SGPL1: variants seen among roughly 807,000 people sequenced by gnomAD.
SGPL1 encodes SP-lyase 1.
Under a neutral mutation model 68.9 loss-of-function variants are expected in SGPL1, and 37 were observed. That is an observed-to-expected ratio of 0.54 (90% CI 0.41 to 0.71). The LOEUF is 0.71. Ranked by LOEUF, SGPL1 falls within the 30% of genes least tolerant of loss-of-function variation. The pLI, the probability that SGPL1 is intolerant of heterozygous loss-of-function variation, is 0.00. For missense variants in SGPL1, 551 were observed against 704.6 expected, an observed-to-expected ratio of 0.78 and a Z score of 2.47; for synonymous variants, 236 against 248.5, an observed-to-expected ratio of 0.95 and a Z score of 0.47.
rs1231885260 is a variant in SGPL1 at position 70,879,809 on chromosome 10, C to G, written c.*2474C>G. 5.9e-5 allele frequency: 9 copies of G among 152,560 alleles called. No individual in the cohort carries two copies. Among genetic ancestry groups the G allele is most frequent in the African/African-American group, 2.2e-4 (9 of 41,396 alleles). The allele number at this position is 152,560 out of a possible 1,614,324, so 9.5% of individuals were successfully genotyped here. A position where few individuals can be genotyped will look rare whatever the true frequency, so the allele number is the denominator to read the frequency against. Reference sequence around the variant, plus strand: ...CATTGTGTATTTTTGTGTATGTGTGCATATAGCAGCTACTCTGTAGCAGAG... The same window carrying G: ...CATTGTGTATTTTTGTGTATGTGTGGATATAGCAGCTACTCTGTAGCAGAG... On this transcript the variant is annotated 3_prime_UTR_variant, in exon 15 of 15. Transcript: ENST00000373202.
At chr10:70,833,300 G>T (rs750784929) in intron 2 of SGPL1, among the ~76,000 whole-genome samples, 1 of 152,214 alleles carries the variant, frequency 6.6e-6, no homozygotes, top group Non-Finnish European at 1.5e-5. Flanking sequence ...TAAGCTTTTT[G>T]AGACGAACTT....
chr10:70,862,474 G>C (rs1275757994), intron 7 of SGPL1, among the ~76,000 whole-genome samples: 2 of 152,156 alleles, frequency 1.3e-5, no homozygotes, highest in Non-Finnish European at 2.9e-5. Flanking sequence ...ATAAAAGCAG[G>C]CTGCCAGAGC....
chr10:70,865,621 G>A (rs1465588545), intron 7 of SGPL1, among the ~76,000 whole-genome samples: 1 of 152,242 alleles, frequency 6.6e-6, no homozygotes, highest in Non-Finnish European at 1.5e-5. Flanking sequence ...TCAGAGGTGG[G>A]AAGCCAGAAG....
intron 7 of SGPL1, among the ~76,000 whole-genome samples, chr10:70,867,670 C>T (rs1846219230): frequency 6.6e-6 from 1 of 151,996 alleles, no homozygotes; most frequent in Non-Finnish European, 1.5e-5. Context: ...ATTTATAGTC[C>T]AGTGAGGGAA....
intron 7 of SGPL1, among the ~76,000 whole-genome samples, chr10:70,865,330 T>C (rs905196020): frequency 5.4e-4 from 83 of 152,336 alleles, no homozygotes; most frequent in Admixed American, 1.6e-3. Flanking sequence ...CACCCTTTTT[T>C]TTTTTCTTCC....
At position 70,854,774 on chromosome 10, in the gene SGPL1, A is replaced by G. The variant is rs1404234630; in HGVS notation, c.328A>G (p.Lys110Glu). 4.3e-6 allele frequency: 7 copies of G among 1,614,032 alleles called. No homozygotes were observed. In the African/African-American group the frequency reaches 8.0e-5, roughly 18 times the overall value. ...GAACATGTCATTCCTGAAAGTGGACAAAGAGTATGTGAAAGCTTTACCCTC... is the reference window on the plus strand; with the variant it reads ...GAACATGTCATTCCTGAAAGTGGACGAAGAGTATGTGAAAGCTTTACCCTC... ...SKNMSFLKVDKEYVKALPSQG... is the reference protein window; with the variant it reads ...SKNMSFLKVDEEYVKALPSQG... Residue 110 changes from lysine (K) to glutamate (E), a missense_variant, in exon 5 of 15, where the codon AAA becomes GAA. Coordinates refer to ENST00000373202, the MANE Select transcript of SGPL1 (RefSeq NM_003901.4).
At chr10:70,848,897 C>G (rs1359493473) in intron 3 of SGPL1, among the ~76,000 whole-genome samples, 2 of 152,168 alleles carry the variant, frequency 1.3e-5, no homozygotes, top group African/African-American at 4.8e-5. Context: ...AATTTTCTAT[C>G]CTTTTGACCA....
intron 2 of SGPL1, among the ~76,000 whole-genome samples, chr10:70,821,204 A>G (rs918257350): frequency 2.6e-5 from 4 of 152,142 alleles, no homozygotes; most frequent in Admixed American, 6.5e-5. Context: ...ATCTGCTGAG[A>G]GTTGTGATGA....
In SGPL1 at chr10:70,868,475, G is replaced by T. The variant is rs368940882; in HGVS notation, c.704+42G>T. On this transcript the variant is annotated intron_variant, in intron 8 of 14. Coordinates refer to ENST00000373202, the MANE Select transcript of SGPL1 (RefSeq NM_003901.4). ...GTTTTGTCCCCTTTTGGATTTGTCT[G>T]TCTGGAGTACAGCTTTATGAAACTA... 26 of 1,481,424 alleles carry T rather than the reference G, an allele frequency of 1.8e-5. No homozygotes were observed. The East Asian group carries it at 5.7e-4, about 32-fold the overall frequency. The allele number at this position is 1,481,424 out of a possible 1,614,324, so 91.8% of individuals were successfully genotyped here. A position where few individuals can be genotyped will look rare whatever the true frequency, so the allele number is the denominator to read the frequency against.
At chr10:70,861,993 A>T (rs1009806505) in intron 7 of SGPL1, among the ~76,000 whole-genome samples, 1 of 152,162 alleles carries the variant, frequency 6.6e-6, no homozygotes, top group Non-Finnish European at 1.5e-5. Flanking sequence ...CACGGCGCCC[A>T]GTCCCATCGA....
In SGPL1 at chr10:70,869,777, T is replaced by G. The variant is rs778409966; in HGVS notation, c.705-15T>G. 1.9e-6 allele frequency: 3 copies of G among 1,607,626 alleles called. No homozygotes were observed. In the Admixed American group the frequency reaches 5.0e-5, roughly 27 times the overall value. On this transcript the variant is annotated splice_polypyrimidine_tract_variant and intron_variant, in intron 8 of 14. Coordinates refer to ENST00000373202, the MANE Select transcript of SGPL1 (RefSeq NM_003901.4). The stretch of plus-strand genomic sequence containing the variant: ...TGGCCTGAGTTACATTATTCTCCTC[T>G]TCCCTGTCATTTAGTGTGGCTCCCC...
Position 70,876,521 on chromosome 10 carries a change from C to G in SGPL1, c.1446-20C>G, listed in dbSNP as rs752314975. 25 of 1,600,148 alleles carry G rather than the reference C, an allele frequency of 1.6e-5. No homozygotes were observed. Among genetic ancestry groups the G allele is most frequent in the Non-Finnish European group, 2.0e-5 (23 of 1,175,482 alleles). On this transcript the variant is annotated intron_variant, in intron 13 of 14. Transcript: ENST00000373202. ...TTTTCTTTCTTCAAGGTTCATCTCTCTCTGTCTCTTCTTTCCTAGTATTCA... is the reference window on the plus strand; with the variant it reads ...TTTTCTTTCTTCAAGGTTCATCTCTGTCTGTCTCTTCTTTCCTAGTATTCA...
chr10:70,844,568 G>A lies in SGPL1; in HGVS notation c.123G>A (p.Gln41=). 1.9e-6 allele frequency: 3 copies of A among 1,614,168 alleles called. No homozygotes were observed. Among genetic ancestry groups the A allele is most frequent in the Non-Finnish European group, 2.5e-6 (3 of 1,180,018 alleles). Residue 41 remains glutamine, a synonymous_variant, in exon 3 of 15, where the codon CAG becomes CAA. Transcript: ENST00000373202. ...NGHCTKYEPW[Q]LIAWSVVWTL... ...ATTGCACCAAGTATGAGCCCTGGCA[G>A]CTAATTGCATGGAGTGTCGTGTGGA...
At chr10:70,845,382 T>C (rs991482810) in intron 3 of SGPL1, among the ~76,000 whole-genome samples, 3 of 152,292 alleles carry the variant, frequency 2.0e-5, no homozygotes, top group African/African-American at 7.2e-5. Flanking sequence ...GTGCTTGCTA[T>C]GTGCCAGGCA....
At chr10:70,873,683 C>A (rs906079387) in intron 12 of SGPL1, 94 bp downstream of exon 12, 1 of 919,324 alleles carries the variant, frequency 1.1e-6, no homozygotes. Flanking sequence ...ATAGCCCTAG[C>A]CCACCTGTTG....
chr10:70,844,675 G>A (rs575884475), intron 3 of SGPL1, 37 bp downstream of exon 3: 10 of 1,569,974 alleles, frequency 6.4e-6, no homozygotes, highest in Non-Finnish European at 7.8e-6. Flanking sequence ...GTATAGTGGT[G>A]TGTCACTAGC....
intron 2 of SGPL1, 87 bp from the exon 3 acceptor site, chr10:70,844,386 G>A (rs1339740760): frequency 4.8e-6 from 6 of 1,257,572 alleles, no homozygotes; most frequent in Non-Finnish European, 6.6e-6. Flanking sequence ...CCTTGCCCTT[G>A]AAAAATGAGA....
At chr10:70,841,023 G>A (rs1262747828) in intron 2 of SGPL1, among the ~76,000 whole-genome samples, 3 of 152,040 alleles carry the variant, frequency 2.0e-5, no homozygotes, top group Non-Finnish European at 2.9e-5. Context: ...TCATCATCTC[G>A]TTCATGCACA....
intron 2 of SGPL1, among the ~76,000 whole-genome samples, chr10:70,830,815 A>G (rs1845521624): frequency 6.6e-6 from 1 of 152,180 alleles, no homozygotes; most frequent in Non-Finnish European, 1.5e-5. Context: ...AGCTTTTGTT[A>G]AAAGATAATT....
Sources: gnomAD v4.1 joint callset for allele counts (sites outside exome capture counted in the v4.1 genomes callset) on GRCh38, gnomAD v4.1.1 for gene constraint, MANE v1.5 for transcripts, NCBI Gene and HGNC (gene_info 2026-07-23, HGNC 2026-07-21) for gene names.